The following CHN1 variants were observed in gnomAD, a reference collection of about 807,000 sequenced individuals.
CHN1 encodes N-chimaerin.
CHN1 carries 37 observed loss-of-function variants against 59.5 expected under a neutral mutation model. The observed-to-expected ratio is 0.62, with a 90% confidence interval of 0.48 to 0.82. The LOEUF is 0.82. Among genes scored for constraint, CHN1 ranks in the 40% least tolerant of loss-of-function variants. The probability of loss-of-function intolerance (pLI) is 0.00; values close to 1 mark genes in which losing one functional copy is unlikely to be tolerated. For missense variants in CHN1, 469 were observed against 571.0 expected (o/e 0.82, Z 1.82); for synonymous variants, 206 against 200.4 (o/e 1.03, Z -0.24).
chr2:174,861,419 A>G (rs548467827), intron 6 of CHN1, among the ~76,000 whole-genome samples: 1 of 152,342 alleles, frequency 6.6e-6, no homozygotes, highest in Admixed American at 6.5e-5. Context: ...ATAAATGTTA[A>G]AAGAATGAGC....
At chr2:174,996,186 A>G (rs1209891479) in intron 1 of CHN1, among the ~76,000 whole-genome samples, 2 of 152,166 alleles carry the variant, frequency 1.3e-5, no homozygotes, top group Non-Finnish European at 1.5e-5. Flanking sequence ...TGAACAGGGT[A>G]TTGTTTACAT....
intron 3 of CHN1, among the ~76,000 whole-genome samples, chr2:174,928,596 AATGGTATGC>A (rs577263500): frequency 1.2e-3 from 186 of 152,356 alleles, no homozygotes; most frequent in Middle Eastern, 3.4e-3. Flanking sequence ...GTTTTTCCAC[AATGGTATGC>A]ATGGGAGAGG....
At position 174,815,371 on chromosome 2, in the gene CHN1, C is replaced by G. The variant is rs1235358720; in HGVS notation, c.713-2889G>C. ...CCAGCCTGAATGACACAGCGAGACC[C>G]TGTCTCTAAAAAAAAATAAATTAAA... On this transcript the variant is annotated intron_variant, in intron 8 of 12. Transcript: ENST00000409900. 2.0e-5 allele frequency among the ~76,000 whole-genome samples: 3 copies of G among 151,998 alleles called. No individual in the cohort carries two copies. In the East Asian group the frequency reaches 5.8e-4, roughly 29 times the overall value.
intron 1 of CHN1, among the ~76,000 whole-genome samples, chr2:174,967,172 C>T (rs557411027): frequency 2.0e-5 from 3 of 151,958 alleles, no homozygotes; most frequent in South Asian, 2.1e-4. Flanking sequence ...GGAGAAACCC[C>T]GTCTCTACAA....
chr2:174,942,787 C>A lies in CHN1; in HGVS notation c.114+2101G>T, dbSNP rs1409311004. On this transcript the variant is annotated intron_variant, in intron 3 of 12. Transcript: ENST00000409900. ...TTAAAAGGCCAGGTGCCCTGGCTCA[C>A]AACTGTAATCCCAACACTTTAGGAG... Among the ~76,000 whole-genome samples the A allele has an allele frequency of 2.2e-3, 340 of 152,312 alleles. 2 individuals carry two copies. Among genetic ancestry groups the A allele is most frequent in the African/African-American group, 7.9e-3 (330 of 41,568 alleles).
chr2:174,932,291 T>C (rs560529519), intron 3 of CHN1, among the ~76,000 whole-genome samples: 5 of 152,352 alleles, frequency 3.3e-5, no homozygotes, highest in Non-Finnish European at 7.3e-5. Context: ...CCTACATCCA[T>C]ATCCCCTCCA....
At chr2:174,811,435 A>C in intron 10 of CHN1, 76 bp downstream of exon 10, 1 of 957,196 alleles carries the variant, frequency 1.0e-6, no homozygotes, top group Non-Finnish European at 1.6e-6. Flanking sequence ...AATGCAAAAA[A>C]TACCTCACAA....
At position 174,879,329 on chromosome 2, in the gene CHN1, C is replaced by T. The variant is rs142189354; in HGVS notation, c.261-1201G>A. Among the ~76,000 whole-genome samples, 4 of 152,248 alleles carry T rather than the reference C, an allele frequency of 2.6e-5. No individual in the cohort carries two copies. The East Asian group carries it at 5.8e-4, about 22-fold the overall frequency. On this transcript the variant is annotated intron_variant, in intron 5 of 12. Coordinates refer to ENST00000409900, the MANE Select transcript of CHN1 (RefSeq NM_001822.7). ...AATATTTTTTAAAATAATAGCCAGA[C>T]GATGTCTGTTTCTGTAGTTCAAATT...
chr2:174,968,700 C>T (rs750364096), intron 1 of CHN1, among the ~76,000 whole-genome samples: 2 of 152,182 alleles, frequency 1.3e-5, no homozygotes, highest in Admixed American at 6.5e-5. Flanking sequence ...CTAAAATGAA[C>T]ATGTAATGGA....
intron 7 of CHN1, among the ~76,000 whole-genome samples, chr2:174,828,773 G>A (rs1464427267): frequency 6.6e-6 from 1 of 152,218 alleles, no homozygotes; most frequent in Admixed American, 6.5e-5. Context: ...AGGAGGCCTG[G>A]AAGGGTTCAC....
intron 3 of CHN1, among the ~76,000 whole-genome samples, chr2:174,929,352 C>G (rs913099885): frequency 1.3e-5 from 2 of 152,076 alleles, no homozygotes; most frequent in African/African-American, 4.8e-5. Context: ...CCAAGGTGGG[C>G]GGATCACCTG....
chr2:174,988,133 C>T lies in CHN1; in HGVS notation c.19+16761G>A, dbSNP rs540513910. ...CCAGCACTTTGGGAGCCAAGGCGGGCGGATCACGAGGTCAGGAGATCGAGA... is the reference window on the plus strand; with the variant it reads ...CCAGCACTTTGGGAGCCAAGGCGGGTGGATCACGAGGTCAGGAGATCGAGA... On this transcript the variant is annotated intron_variant, in intron 1 of 12. Transcript: ENST00000409900. Among the ~76,000 whole-genome samples the T allele has an allele frequency of 4.4e-4, 67 of 152,084 alleles. 1 individual carries two copies. The highest frequency in any genetic ancestry group is 8.3e-4 in the South Asian group (4 of 4,814).
At chr2:174,899,747 A>G (rs1177440868) in intron 5 of CHN1, among the ~76,000 whole-genome samples, 1 of 152,228 alleles carries the variant, frequency 6.6e-6, no homozygotes, top group African/African-American at 2.4e-5. Flanking sequence ...CAAATTCCAA[A>G]GTAGAGTTGA....
At chr2:174,904,092 G>A (rs1453014810) in intron 5 of CHN1, among the ~76,000 whole-genome samples, 3 of 151,558 alleles carry the variant, frequency 2.0e-5, no homozygotes, top group Non-Finnish European at 2.9e-5. Context: ...GAGAAACCCC[G>A]TCTCTACTAA....
intron 5 of CHN1, among the ~76,000 whole-genome samples, chr2:174,880,829 C>T (rs1375934995): frequency 6.6e-6 from 1 of 152,122 alleles, no homozygotes. Flanking sequence ...GGGCGGATCA[C>T]CTGAGGTCGG....
rs186886599 is a variant in CHN1, at chr2:174,922,500, G to A, written c.115-3935C>T. Reference sequence around the variant, plus strand: ...GAGGCCATAAGCTCAAGTCTAGCCTGGCAACACAGCAAGACCCCTATCTCT... The same window carrying A: ...GAGGCCATAAGCTCAAGTCTAGCCTAGCAACACAGCAAGACCCCTATCTCT... On this transcript the variant is annotated intron_variant, in intron 3 of 12. Coordinates refer to ENST00000409900, the MANE Select transcript of CHN1 (RefSeq NM_001822.7). Among the ~76,000 whole-genome samples the A allele has an allele frequency of 2.6e-3, 395 of 152,208 alleles. 8 individuals are homozygous for A. The highest frequency in any genetic ancestry group is 7.5e-4 in the Non-Finnish European group (51 of 68,004).
intron 3 of CHN1, among the ~76,000 whole-genome samples, chr2:174,941,267 TA>T (rs1689655355): frequency 6.6e-6 from 1 of 152,182 alleles, no homozygotes; most frequent in African/African-American, 2.4e-5. Flanking sequence ...GGAACTTCTC[TA>T]AAAAACATTG....
intron 5 of CHN1, among the ~76,000 whole-genome samples, chr2:174,910,760 C>T (rs570287749): frequency 5.3e-5 from 8 of 151,904 alleles, no homozygotes; most frequent in South Asian, 2.1e-4. Context: ...ATTAGCCGGG[C>T]GCAGTGGCGG....
intron 3 of CHN1, among the ~76,000 whole-genome samples, chr2:174,940,670 T>C (rs1558990532): frequency 6.6e-6 from 1 of 152,192 alleles, no homozygotes; most frequent in East Asian, 1.9e-4. Context: ...ATTATACAGG[T>C]GATACCGTGT....
Sources: gnomAD v4.1 joint callset for allele counts (sites outside exome capture counted in the v4.1 genomes callset) on GRCh38, gnomAD v4.1.1 for gene constraint, MANE v1.5 for transcripts, NCBI Gene and HGNC (gene_info 2026-07-23, HGNC 2026-07-21) for gene names.